CENPE: variants seen among roughly 807,000 people sequenced by gnomAD.
CENPE encodes centromere-associated protein E.
A neutral mutation model predicts 336.1 loss-of-function variants in CENPE; 145 were observed. The ratio of observed to expected loss-of-function variants is 0.43; its 90% CI spans 0.38 to 0.50. CENPE has a LOEUF of 0.50. CENPE is among the 20% of genes least tolerant of loss of function. The pLI is 0.00. For missense variants in CENPE, 2,719 were observed against 3,023.3 expected, an observed-to-expected ratio of 0.90 and a Z score of 2.36; for synonymous variants, 1,013 against 984.8, an observed-to-expected ratio of 1.03 and a Z score of -0.54.
rs1347154291 is a variant in CENPE at position 103,140,882 on chromosome 4, T to C, written c.5686A>G (p.Arg1896Gly). 6.2e-7 allele frequency: 1 copy of C among 1,612,522 alleles called. No individual in the cohort carries two copies. The highest frequency in any genetic ancestry group is 1.7e-5 in the Admixed American group (1 of 59,772). ...TCCAGTTTGAGTGTCTCCTCTACTC[T>C]TCTTAGATTATCTCTTTCTTTCATT... Reference protein sequence around the residue: ...SVMKERDNLRRVEETLKLERD... With the variant: ...SVMKERDNLRGVEETLKLERD... Residue 1896 changes from arginine (R) to glycine (G), a missense_variant, in exon 36 of 49, where the codon AGA (arginine) becomes GGA (glycine). Coordinates refer to ENST00000265148, the MANE Select transcript of CENPE (RefSeq NM_001813.3).
chr4:103,135,598 T>C (rs969712772), intron 40 of CENPE, among the ~76,000 whole-genome samples: 9 of 152,146 alleles, frequency 5.9e-5, no homozygotes. Context: ...ATATAATATC[T>C]CATCTGGACC....
chr4:103,120,453 T>C, intron 43 of CENPE, 120 bp from the exon 44 acceptor site: 2 of 775,958 alleles, frequency 2.6e-6, no homozygotes, highest in Middle Eastern at 3.2e-4. Context: ...GTATTAACAA[T>C]GGATAGAAGA....
At chr4:103,127,778 G>A (rs111397600) in intron 42 of CENPE, among the ~76,000 whole-genome samples, 1,534 of 152,164 alleles carry the variant, frequency 0.01, 31 homozygotes, top group African/African-American at 0.035. Context: ...AGATAGAAGT[G>A]TAGTTGTATG....
rs186872966 is a variant in CENPE at position 103,184,771 on chromosome 4, A to T, written c.745+1039T>A. ...GTAAGATAGTAAAATCTTAAATTCC[A>T]CTTTCTGCTTTTTGGAATTTTCCTG... On this transcript the variant is annotated intron_variant, in intron 9 of 48. Transcript: ENST00000265148. 5.4e-4 allele frequency among the ~76,000 whole-genome samples: 82 copies of T among 152,100 alleles called. No homozygotes were observed. The East Asian group carries it at 0.014, about 27-fold the overall frequency.
chr4:103,193,354 G>T (rs920058167), intron 8 of CENPE, among the ~76,000 whole-genome samples: 9 of 152,142 alleles, frequency 5.9e-5, no homozygotes, highest in African/African-American at 2.2e-4. Flanking sequence ...TAGCAAAATA[G>T]CTAAGGTGAA....
At chr4:103,123,364 T>G (rs1270476078) in intron 42 of CENPE, among the ~76,000 whole-genome samples, 1 of 152,164 alleles carries the variant, frequency 6.6e-6, no homozygotes, top group Non-Finnish European at 1.5e-5. Flanking sequence ...ATAGCCACCC[T>G]GATTATCCGA....
At position 103,116,694 on chromosome 4, in the gene CENPE, A is replaced by T; in HGVS notation, c.7330-5T>A. Reference sequence around the variant, plus strand: ...AGCTCCTAAAGCAACTTTGTCCTAAATTTTTTTTAGAGAAAATAAAAATAA... The same window carrying T: ...AGCTCCTAAAGCAACTTTGTCCTAATTTTTTTTTAGAGAAAATAAAAATAA... On this transcript the variant is annotated splice_region_variant and splice_polypyrimidine_tract_variant and intron_variant, in intron 44 of 48. Coordinates refer to ENST00000265148, the MANE Select transcript of CENPE (RefSeq NM_001813.3). 3 of 1,488,348 alleles carry T rather than the reference A, an allele frequency of 2.0e-6. No individual in the cohort carries two copies. The highest frequency in any genetic ancestry group is 2.7e-6 in the Non-Finnish European group (3 of 1,096,366). 92.2% of individuals were successfully genotyped at this position (1,488,348 alleles called of 1,614,324 possible).
intron 41 of CENPE, among the ~76,000 whole-genome samples, chr4:103,133,262 T>TAA (rs1751772711): frequency 6.6e-6 from 1 of 152,096 alleles, no homozygotes; most frequent in Admixed American, 6.5e-5. Context: ...CCCAGGCTGA[T>TAA]CTTGAACCCC....
At chr4:103,172,015 T>A (rs1755457421) in intron 16 of CENPE, among the ~76,000 whole-genome samples, 1 of 152,028 alleles carries the variant, frequency 6.6e-6, no homozygotes, top group Non-Finnish European at 1.5e-5. Context: ...CCTGATGGCA[T>A]CACTGCTGAA....
Position 103,194,232 on chromosome 4 carries a change from A to C in CENPE, c.690T>G (p.His230Gln), listed in dbSNP as rs566519551. ...ATTATGGTTCATTAATACTCACCAA[A>C]TGGGATACCTTAACAGATCCTTCAC... Reference protein sequence around the residue: ...SNCEGSVKVSHLNLVDLAGSE... With the variant: ...SNCEGSVKVSQLNLVDLAGSE... The change falls in exon 8 of 49, where the codon CAT (histidine) becomes CAG (glutamine). Residue 230 changes from histidine to glutamine, a missense_variant. This residue lies in a region of CENPE where 11 missense variants were observed against 54.0 expected (regional missense o/e 0.20). Transcript: ENST00000265148. The C allele has an allele frequency of 3.1e-6, 5 of 1,611,530 alleles. No individual in the cohort carries two copies. The Admixed American group carries it at 5.0e-5, about 16-fold the overall frequency.
chr4:103,171,369 A>T (rs1755396135), intron 16 of CENPE, among the ~76,000 whole-genome samples: 1 of 152,134 alleles, frequency 6.6e-6, no homozygotes, highest in Non-Finnish European at 1.5e-5. Context: ...AATAGCAGAA[A>T]TTCTGGAAAT....
rs144320434 is a variant in CENPE at position 103,158,378 on chromosome 4, C to T, written c.2955G>A (p.Ser985=). The change falls in exon 24 of 49, where the codon TCG becomes TCA. Residue 985 remains serine (S), a synonymous_variant. Transcript: ENST00000265148. ...TCCTGGAAACTTCCTCAGAAATTTTCGATTTTAGTGTATTAATTGTTTCTT... is the reference window on the plus strand; with the variant it reads ...TCCTGGAAACTTCCTCAGAAATTTTTGATTTTAGTGTATTAATTGTTTCTT... The part of the protein sequence containing the change: ...QHQETINTLK[S]KISEEVSRNL... The T allele has an allele frequency of 7.9e-5, 127 of 1,609,248 alleles. No homozygotes were observed. In the African/African-American group the frequency reaches 1.1e-3, roughly 13 times the overall value.
chr4:103,182,671 T>A, intron 11 of CENPE, 91 bp downstream of exon 11: 1 of 1,097,314 alleles, frequency 9.1e-7, no homozygotes, highest in Non-Finnish European at 1.3e-6. Context: ...GCGAGTTAAT[T>A]AAAAAAAACT....
chr4:103,113,052 G>A (rs1393195177), intron 46 of CENPE, among the ~76,000 whole-genome samples: 1 of 101,700 alleles, frequency 9.8e-6, no homozygotes, highest in African/African-American at 4.0e-5. Flanking sequence ...ATACTTATAA[G>A]TATATAAGTG....
intron 40 of CENPE, 120 bp downstream of exon 40, chr4:103,136,021 A>G (rs2125906314): frequency 1.2e-6 from 1 of 807,470 alleles, no homozygotes; most frequent in Non-Finnish European, 2.0e-6. Flanking sequence ...GACCCACATA[A>G]TCTTTAATTT....
chr4:103,175,078 T>C (rs1755741346), intron 15 of CENPE, among the ~76,000 whole-genome samples, 175 bp from the exon 16 acceptor site: 1 of 152,008 alleles, frequency 6.6e-6, no homozygotes, highest in African/African-American at 2.4e-5. Context: ...AAGGAGAATT[T>C]TAAAAATATA....
At chr4:103,197,057 A>G (rs576180342) in intron 1 of CENPE, among the ~76,000 whole-genome samples, 1 of 152,202 alleles carries the variant, frequency 6.6e-6, no homozygotes, top group Non-Finnish European at 1.5e-5. Context: ...GAAGGCTTTC[A>G]TTCTCACCCT....
chr4:103,122,278 C>A (rs553625313), intron 43 of CENPE, among the ~76,000 whole-genome samples: 2 of 152,126 alleles, frequency 1.3e-5, no homozygotes, highest in Admixed American at 6.5e-5. Flanking sequence ...GGGTTCCCTA[C>A]AAGTCGTTTT....
chr4:103,180,601 ATACTC>A lies in CENPE; in HGVS notation c.1084-137_1084-133del, dbSNP rs1441788866. ...AATTTTAATTTCACTGAAATAAAAT[ATACTC>A]TAACTGTAGAACACCAAAATGCAGT... On this transcript the variant is annotated intron_variant, in intron 12 of 48. Coordinates refer to ENST00000265148, the MANE Select transcript of CENPE (RefSeq NM_001813.3). 4 of 581,408 alleles carry A rather than the reference ATACTC, an allele frequency of 6.9e-6. No homozygotes were observed. The East Asian group carries it at 9.0e-5, about 13-fold the overall frequency. The allele number at this position is 581,408 out of a possible 1,614,324, so 36.0% of individuals were successfully genotyped here.
Sources: gnomAD v4.1 joint callset for allele counts (sites outside exome capture counted in the v4.1 genomes callset) on GRCh38, gnomAD v4.1.1 for gene constraint, gnomAD v4.1.1 regional missense constraint, MANE v1.5 for transcripts, NCBI Gene and HGNC (gene_info 2026-07-23, HGNC 2026-07-21) for gene names.